Variants in TNFRSF21 observed in about 807,000 individuals in gnomAD.
TNFRSF21 encodes the protein tumor necrosis factor receptor superfamily member 21.
TNFRSF21 carries 19 observed loss-of-function variants against 45.6 expected under a neutral mutation model. The observed-to-expected ratio is 0.42, with a 90% confidence interval of 0.29 to 0.61. The LOEUF is 0.61. Among genes scored for constraint, TNFRSF21 ranks in the 20% least tolerant of loss-of-function variants. The probability of loss-of-function intolerance (pLI) is 0.23; values close to 1 mark genes in which losing one functional copy is unlikely to be tolerated. For synonymous variants in TNFRSF21, 314 were observed against 335.5 expected (o/e 0.94, Z 0.70); for missense variants, 737 against 851.5 (o/e 0.87, Z 1.67).
At chr6:47,259,759 C>G (rs905510350) in intron 3 of TNFRSF21, among the ~76,000 whole-genome samples, 7 of 152,086 alleles carry the variant, frequency 4.6e-5, no homozygotes, top group Non-Finnish European at 1.0e-4. Flanking sequence ...GGAGTCAAGC[C>G]CTATACATCC....
chr6:47,274,962 T>G (rs1012466600), intron 3 of TNFRSF21, among the ~76,000 whole-genome samples: 9 of 152,200 alleles, frequency 5.9e-5, no homozygotes, highest in Non-Finnish European at 1.2e-4. Flanking sequence ...CCAGTTAGAA[T>G]GGCAATCATT....
Position 47,309,398 on chromosome 6 carries a change from G to T in TNFRSF21, c.96+18C>A, listed in dbSNP as rs201720326. ...TGCTCCGGCGCCGCCGCCACCCCCGGTCCACGCAAGCGCTCACCAGGAGAA... is the reference window on the plus strand; with the variant it reads ...TGCTCCGGCGCCGCCGCCACCCCCGTTCCACGCAAGCGCTCACCAGGAGAA... On this transcript the variant is annotated intron_variant, in intron 1 of 5. Transcript: ENST00000296861. The T allele has an allele frequency of 2.0e-6, 3 of 1,527,142 alleles. No homozygotes were observed. In the East Asian group the frequency reaches 7.8e-5, roughly 40 times the overall value. The allele number at this position is 1,527,142 out of a possible 1,614,324, so 94.6% of individuals were successfully genotyped here.
rs146679395 is a variant in TNFRSF21, at chr6:47,286,148, T to C, written c.544A>G (p.Ser182Gly). The part of the protein sequence containing the change: ...ARGTFSDVPS[S>G]VMKCKAYTDC... ...GTGTATGCTTTGCATTTCATCACACTAGAAGGCACATCTGAGAAGGTACCC... is the reference window on the plus strand; with the variant it reads ...GTGTATGCTTTGCATTTCATCACACCAGAAGGCACATCTGAGAAGGTACCC... Residue 182 changes from serine to glycine, a missense_variant, in exon 2 of 6, where the codon AGT becomes GGT. Coordinates refer to ENST00000296861, the MANE Select transcript of TNFRSF21 (RefSeq NM_014452.5). 4.5e-5 allele frequency: 72 copies of C among 1,614,194 alleles called. No individual in the cohort carries two copies. Among genetic ancestry groups the C allele is most frequent in the Admixed American group, 2.3e-4 (14 of 60,028 alleles).
chr6:47,235,672 A>T (rs565712590), intron 4 of TNFRSF21, among the ~76,000 whole-genome samples: 1 of 152,344 alleles, frequency 6.6e-6, no homozygotes, highest in South Asian at 2.1e-4. Context: ...ACTAAGGGCC[A>T]ACAAGGAAGT....
intron 1 of TNFRSF21, among the ~76,000 whole-genome samples, chr6:47,302,639 C>A (rs1374956685): frequency 6.6e-6 from 1 of 152,158 alleles, no homozygotes; most frequent in East Asian, 1.9e-4. Context: ...AGTTTATAAC[C>A]AGCAGTTTTA....
Position 47,309,791 on chromosome 6 carries a change from G to T in TNFRSF21, c.-280C>A. On this transcript the variant is annotated 5_prime_UTR_variant, in exon 1 of 6. Transcript: ENST00000296861. ...GTGCTCTCCTCCGACAGCGGCTGAG[G>T]AGAACCAGGGAGGAGGACTGGGCGC... 2.7e-6 allele frequency: 1 copy of T among 368,414 alleles called. No individual in the cohort carries two copies. Among genetic ancestry groups the T allele is most frequent in the Non-Finnish European group, 4.8e-6 (1 of 206,214 alleles). 22.8% of individuals were successfully genotyped at this position (368,414 alleles called of 1,614,324 possible). A position where few individuals can be genotyped will look rare whatever the true frequency, so the allele number is the denominator to read the frequency against.
At position 47,231,819 on chromosome 6, in the gene TNFRSF21, T is replaced by G. The variant is rs1316638093; in HGVS notation, c.*946A>C. On this transcript the variant is annotated 3_prime_UTR_variant, in exon 6 of 6. Transcript: ENST00000296861. ...GAGCAGATTGGACCTATTGATTATG[T>G]GTATATAAAAAACAAGACATCTTTT... The G allele has an allele frequency of 6.6e-6, 1 of 152,656 alleles. No homozygotes were observed. Among genetic ancestry groups the G allele is most frequent in the South Asian group, 2.1e-4 (1 of 4,832 alleles). The allele number at this position is 152,656 out of a possible 1,614,324, so 9.5% of individuals were successfully genotyped here.
rs552951459 is a variant in TNFRSF21, at chr6:47,290,414, T to A, written c.97-3819A>T. Among the ~76,000 whole-genome samples, 3 of 152,002 alleles carry A rather than the reference T, an allele frequency of 2.0e-5. No homozygotes were observed. In the South Asian group the frequency reaches 6.2e-4, roughly 32 times the overall value. ...AGTATGTGTGGATTTGGGTGTGGAG[T>A]TGGGGTAGGCTTCCTACAGCTTTCT... is the stretch of plus-strand genomic sequence containing the variant. On this transcript the variant is annotated intron_variant, in intron 1 of 5. Coordinates refer to ENST00000296861, the MANE Select transcript of TNFRSF21 (RefSeq NM_014452.5).
rs1485330469 is a variant in TNFRSF21, at chr6:47,232,452, A to T, written c.*313T>A. On this transcript the variant is annotated 3_prime_UTR_variant, in exon 6 of 6. Coordinates refer to ENST00000296861, the MANE Select transcript of TNFRSF21 (RefSeq NM_014452.5). ...GTGCACAGAATAATCTTGAAAATACATAAGAAGGCAAAATGGAGAAAATAT... is the reference window on the plus strand; with the variant it reads ...GTGCACAGAATAATCTTGAAAATACTTAAGAAGGCAAAATGGAGAAAATAT... 7.0e-6 allele frequency: 2 copies of T among 286,180 alleles called. No individual in the cohort carries two copies. The highest frequency in any genetic ancestry group is 1.5e-4 in the East Asian group (2 of 13,556). 17.7% of individuals were successfully genotyped at this position (286,180 alleles called of 1,614,324 possible).
rs80183100 is a variant in TNFRSF21, at chr6:47,260,827, T to C, written c.1244-7306A>G. ...AGAGACAGGTTTATAAACTTTTTGA[T>C]GGTATCAAACTCATCATATAAAAAG... On this transcript the variant is annotated intron_variant, in intron 3 of 5. Coordinates refer to ENST00000296861, the MANE Select transcript of TNFRSF21 (RefSeq NM_014452.5). Among the ~76,000 whole-genome samples, 1,159 of 152,326 alleles carry C rather than the reference T, an allele frequency of 7.6e-3. 20 individuals are homozygous for C. The highest frequency in any genetic ancestry group is 0.026 in the African/African-American group (1,084 of 41,558).
chr6:47,252,170 C>G (rs9473037), intron 4 of TNFRSF21, among the ~76,000 whole-genome samples: 10,552 of 152,076 alleles, frequency 0.069, 486 homozygotes, highest in African/African-American at 0.13. Flanking sequence ...ATAAAGTATG[C>G]AAAATGAAAT....
rs190714427 is a variant in TNFRSF21, at chr6:47,247,300, C to T, written c.1509+5956G>A. 4.7e-3 allele frequency among the ~76,000 whole-genome samples: 718 copies of T among 152,164 alleles called. 2 individuals are homozygous for T. Among genetic ancestry groups the T allele is most frequent in the Non-Finnish European group, 7.8e-3 (529 of 68,018 alleles). On this transcript the variant is annotated intron_variant, in intron 4 of 5. Transcript: ENST00000296861. The stretch of plus-strand genomic sequence containing the variant: ...AGTTCCCCAGAGCCTGCAGTCACAC[C>T]CCATGAATTAAGTAACTTGACCTTA...
At chr6:47,308,902 G>T (rs1762976769) in intron 1 of TNFRSF21, among the ~76,000 whole-genome samples, 1 of 152,218 alleles carries the variant, frequency 6.6e-6, no homozygotes, top group South Asian at 2.1e-4. Context: ...AGCACCCGGA[G>T]GTCTCCGGTG....
At chr6:47,235,826 C>T (rs1191535912) in intron 4 of TNFRSF21, among the ~76,000 whole-genome samples, 1 of 152,116 alleles carries the variant, frequency 6.6e-6, no homozygotes, top group Non-Finnish European at 1.5e-5. Flanking sequence ...AAGGATAGAA[C>T]AGAGACTGTG....
At chr6:47,246,119 T>C (rs1764821624) in intron 4 of TNFRSF21, among the ~76,000 whole-genome samples, 1 of 152,190 alleles carries the variant, frequency 6.6e-6, no homozygotes, top group Admixed American at 6.5e-5. Context: ...ATCACTATCT[T>C]AATGAGAATA....
intron 3 of TNFRSF21, among the ~76,000 whole-genome samples, chr6:47,256,233 A>G (rs1029111494): frequency 1.3e-5 from 2 of 152,180 alleles, no homozygotes; most frequent in African/African-American, 4.8e-5. Flanking sequence ...GTCAACTATA[A>G]AAGTAGAATG....
intron 3 of TNFRSF21, among the ~76,000 whole-genome samples, chr6:47,258,961 TA>T (rs1234862722): frequency 6.6e-6 from 1 of 152,182 alleles, no homozygotes; most frequent in Admixed American, 6.5e-5. Flanking sequence ...ACAAAAAAAG[TA>T]GGCTGGATAT....
chr6:47,298,117 A>T (rs1762814992), intron 1 of TNFRSF21, among the ~76,000 whole-genome samples: 3 of 152,044 alleles, frequency 2.0e-5, no homozygotes. Context: ...GGCAGAATTT[A>T]AGTAAGCATT....
chr6:47,269,068 C>A (rs552609535), intron 3 of TNFRSF21, among the ~76,000 whole-genome samples: 50 of 152,092 alleles, frequency 3.3e-4, no homozygotes, highest in Non-Finnish European at 7.1e-4. Flanking sequence ...CAGGCCTTGG[C>A]TTCCCTCTAA....
Sources: gnomAD v4.1 joint callset for allele counts (sites outside exome capture counted in the v4.1 genomes callset) on GRCh38, gnomAD v4.1.1 for gene constraint, MANE v1.5 for transcripts, NCBI Gene and HGNC (gene_info 2026-07-23, HGNC 2026-07-21) for gene names.